The following UBE2L3 variants were observed in gnomAD, a reference collection of about 807,000 sequenced individuals.
The protein encoded by UBE2L3 is ubiquitin conjugating enzyme E2 L3, also known as ubiquitin-conjugating enzyme E2 L3.
A neutral mutation model predicts 17.8 loss-of-function variants in UBE2L3; 1 was observed. The observed-to-expected ratio is 0.06, with a 90% CI of 0.02 to 0.27. The LOEUF (loss-of-function observed/expected upper bound fraction) is 0.27, where lower values mean the gene tolerates loss of function less well. UBE2L3 is among the 10% of genes least tolerant of loss of function. The pLI is 1.00. For missense variants in UBE2L3, 40 were observed against 192.6 expected, an observed-to-expected ratio of 0.21 and a Z score of 4.69; for synonymous variants, 44 against 68.5, an observed-to-expected ratio of 0.64 and a Z score of 1.76.
intron 1 of UBE2L3, among the ~76,000 whole-genome samples, chr22:21,587,297 TCTC>T (rs1927999561): frequency 6.6e-6 from 1 of 151,996 alleles, no homozygotes; most frequent in Non-Finnish European, 1.5e-5. Context: ...TTCAAGCTAT[TCTC>T]CTGCCTCAGC....
At chr22:21,563,343 A>G (rs1213566188), upstream of UBE2L3, among the ~76,000 whole-genome samples, 1 of 150,082 alleles carries the variant, frequency 6.7e-6, no homozygotes, top group Non-Finnish European at 1.5e-5. Context: ...CGAGCTCAGG[A>G]GATCGAGAGC....
intron 1 of UBE2L3, among the ~76,000 whole-genome samples, chr22:21,562,448 T>G (rs1261120698): frequency 6.6e-6 from 1 of 151,334 alleles, no homozygotes; most frequent in Non-Finnish European, 1.5e-5. Flanking sequence ...CTCCGCTCAC[T>G]GCAAACTCCG....
intron 1 of UBE2L3, among the ~76,000 whole-genome samples, chr22:21,589,211 T>C (rs553214469): frequency 7.0e-6 from 1 of 143,470 alleles, no homozygotes; most frequent in African/African-American, 2.6e-5. Context: ...AGTGGCGCAA[T>C]CTTGGCTGAC....
intron 1 of UBE2L3, among the ~76,000 whole-genome samples, chr22:21,577,170 A>G (rs1927361611): frequency 6.6e-6 from 1 of 151,252 alleles, no homozygotes; most frequent in African/African-American, 2.4e-5. Context: ...GGGTTTCACC[A>G]TGTTAGCCAG....
chr22:21,609,520 A>G (rs935433397), intron 2 of UBE2L3, among the ~76,000 whole-genome samples: 1 of 152,068 alleles, frequency 6.6e-6, no homozygotes, highest in African/African-American at 2.4e-5. Context: ...CAACCTGGAC[A>G]ACATAGCAAA....
intron 1 of UBE2L3, among the ~76,000 whole-genome samples, chr22:21,584,526 C>G (rs1449591444): frequency 6.6e-6 from 1 of 151,684 alleles, no homozygotes; most frequent in Non-Finnish European, 1.5e-5. Flanking sequence ...TTTTTTGAGA[C>G]AAGGTCTCAC....
At chr22:21,600,259 G>A (rs1274245265) in intron 2 of UBE2L3, among the ~76,000 whole-genome samples, 2 of 152,132 alleles carry the variant, frequency 1.3e-5, no homozygotes, top group African/African-American at 2.4e-5. Flanking sequence ...GTTGCGGTGA[G>A]CTGAGATCGT....
At chr22:21,587,052 A>G (rs1476516861) in intron 1 of UBE2L3, among the ~76,000 whole-genome samples, 1 of 149,616 alleles carries the variant, frequency 6.7e-6, no homozygotes, top group Non-Finnish European at 1.5e-5. Context: ...TGCCTGGCTA[A>G]TTTTTGTATT....
chr22:21,618,711 C>T (rs1448911104), intron 3 of UBE2L3, among the ~76,000 whole-genome samples: 1 of 152,030 alleles, frequency 6.6e-6, no homozygotes, highest in Admixed American at 6.6e-5. Context: ...CCTCAGCCTC[C>T]CAAGGAGCTG....
chr22:21,583,770 C>T (rs1011452149), intron 1 of UBE2L3, among the ~76,000 whole-genome samples: 6 of 152,208 alleles, frequency 3.9e-5, no homozygotes, highest in Non-Finnish European at 7.3e-5. Flanking sequence ...AAGAGTTTGG[C>T]ACTGAGTCAA....
chr22:21,589,066 T>G (rs1405746944), intron 1 of UBE2L3, among the ~76,000 whole-genome samples: 1 of 152,176 alleles, frequency 6.6e-6, no homozygotes, highest in Non-Finnish European at 1.5e-5. Flanking sequence ...AATGCTGGGA[T>G]TACAGGTGTG....
intron 2 of UBE2L3, among the ~76,000 whole-genome samples, chr22:21,605,702 C>T (rs1459974903): frequency 6.6e-6 from 1 of 152,154 alleles, no homozygotes. Context: ...AACGGGGTTT[C>T]ACCATGTTGG....
At chr22:21,619,644 T>C (rs1182584764) in intron 3 of UBE2L3, among the ~76,000 whole-genome samples, 1 of 152,216 alleles carries the variant, frequency 6.6e-6, no homozygotes, top group African/African-American at 2.4e-5. Flanking sequence ...ATGTGTGCTG[T>C]TGAATGATTA....
chr22:21,617,205 C>T (rs1207634929), intron 3 of UBE2L3, among the ~76,000 whole-genome samples: 4 of 150,260 alleles, frequency 2.7e-5, no homozygotes, highest in African/African-American at 9.8e-5. Flanking sequence ...GCTTTATTCT[C>T]TGATGAGAAT....
At chr22:21,614,469 T>G in intron 3 of UBE2L3, 1 of 771,748 alleles carries the variant, frequency 1.3e-6, no homozygotes, top group Non-Finnish European at 2.0e-6. Context: ...AAGCCACTTG[T>G]GCCACCCTCC....
At chr22:21,566,774 C>T (rs1926655744), upstream of UBE2L3, among the ~76,000 whole-genome samples, 1 of 151,970 alleles carries the variant, frequency 6.6e-6, no homozygotes, top group African/African-American at 2.4e-5. Flanking sequence ...TGGTCTTCGC[C>T]AGTGCTGCTT....
intron 2 of UBE2L3, among the ~76,000 whole-genome samples, chr22:21,596,792 C>T (rs766109469): frequency 3.9e-5 from 6 of 152,212 alleles, no homozygotes; most frequent in East Asian, 3.9e-4. Context: ...CATCCTGTAA[C>T]GTCTTAAATT....
At chr22:21,605,492 G>T (rs1160613100) in intron 2 of UBE2L3, among the ~76,000 whole-genome samples, 1 of 151,702 alleles carries the variant, frequency 6.6e-6, no homozygotes, top group Non-Finnish European at 1.5e-5. Flanking sequence ...TATAGATAGG[G>T]TTTCTTTTTT....
chr22:21,619,847 A>G (rs1228461555), intron 3 of UBE2L3, among the ~76,000 whole-genome samples: 2 of 152,172 alleles, frequency 1.3e-5, no homozygotes, highest in African/African-American at 4.8e-5. Context: ...ATGGGCCACC[A>G]TGCCTGGCTA....
Sources: gnomAD v4.1 joint callset for allele counts (sites outside exome capture counted in the v4.1 genomes callset) on GRCh38, gnomAD v4.1.1 for gene constraint, MANE v1.5 for transcripts, NCBI Gene and HGNC (gene_info 2026-07-23, HGNC 2026-07-21) for gene names.